Variants in ABR observed in about 807,000 individuals in gnomAD.
ABR encodes ABR activator of RhoGEF and GTPase.
Under a neutral mutation model 107.2 loss-of-function variants are expected in ABR, and 35 were observed. The ratio of observed to expected loss-of-function variants is 0.33; its 90% CI spans 0.25 to 0.43. ABR has a LOEUF of 0.43. Among genes scored for constraint, ABR ranks in the 20% least tolerant of loss-of-function variants. ABR has a pLI of 1.00. For missense variants in ABR, 815 were observed against 1,115.2 expected, an observed-to-expected ratio of 0.73 and a Z score of 3.83; for synonymous variants, 498 against 462.0, an observed-to-expected ratio of 1.08 and a Z score of -1.00.
intron 1 of ABR, among the ~76,000 whole-genome samples, chr17:1,131,214 A>G (rs1224346891): frequency 2.6e-5 from 3 of 115,820 alleles, no homozygotes; most frequent in Non-Finnish European, 3.5e-5. Context: ...TGCCACGCAC[A>G]CAGCTCCCCC....
chr17:1,149,118 T>C (rs1251483012), intron 1 of ABR, among the ~76,000 whole-genome samples: 1 of 152,092 alleles, frequency 6.6e-6, no homozygotes, highest in East Asian at 1.9e-4. Flanking sequence ...TTAGCCGGGA[T>C]GGTCTCGATC....
At chr17:1,098,217 T>G (rs917212799) in intron 3 of ABR, among the ~76,000 whole-genome samples, 5 of 151,774 alleles carry the variant, frequency 3.3e-5, no homozygotes, top group African/African-American at 1.2e-4. Flanking sequence ...GGACTACAGG[T>G]GCTCGCCACC....
At chr17:1,158,385 C>T (rs1005942972) in intron 1 of ABR, among the ~76,000 whole-genome samples, 7 of 151,814 alleles carry the variant, frequency 4.6e-5, no homozygotes, top group Non-Finnish European at 7.4e-5. Flanking sequence ...CGTGAACCAC[C>T]GCGCCCAGCC....
chr17:1,108,832 A>T, intron 2 of ABR: 1 of 1,304,202 alleles, frequency 7.7e-7, no homozygotes, highest in Non-Finnish European at 1.0e-6. Context: ...GAGGGCTTCC[A>T]CCCGGCCGCG....
chr17:1,158,264 T>A (rs1598006593), intron 1 of ABR, among the ~76,000 whole-genome samples: 1 of 151,956 alleles, frequency 6.6e-6, no homozygotes, highest in East Asian at 2.0e-4. Context: ...TGTATTTATT[T>A]ATTTTTTTTA....
At chr17:1,192,917 G>A (rs902058402) in intron 1 of ABR, among the ~76,000 whole-genome samples, 5 of 151,906 alleles carry the variant, frequency 3.3e-5, no homozygotes, top group Admixed American at 6.6e-5. Context: ...GTGTGGTGGC[G>A]GGCGCCTGTA....
chr17:1,057,884 A>T, intron 12 of ABR, 86 bp downstream of exon 12: 1 of 1,251,062 alleles, frequency 8.0e-7, no homozygotes, highest in Non-Finnish European at 1.2e-6. Flanking sequence ...CAAAGACGTG[A>T]TACTGGACAT....
At chr17:1,012,913 G>C (rs1278216355) in intron 17 of ABR, 116 bp from the exon 18 acceptor site, 6 of 1,083,426 alleles carry the variant, frequency 5.5e-6, no homozygotes. Context: ...TCACACCCAG[G>C]TCTCCCTCAA....
intron 1 of ABR, among the ~76,000 whole-genome samples, chr17:1,172,855 C>T (rs2041765412): frequency 6.6e-6 from 1 of 152,034 alleles, no homozygotes; most frequent in African/African-American, 2.4e-5. Context: ...TCCCCTATCA[C>T]AGCCCCAGAG....
rs369755696 is a variant in ABR at position 1,050,225 on chromosome 17, G to A, written c.1660-44C>T. The A allele has an allele frequency of 1.3e-6, 2 of 1,585,258 alleles. No homozygotes were observed. Among genetic ancestry groups the A allele is most frequent in the East Asian group, 4.5e-5 (2 of 44,706 alleles). Reference sequence around the variant, plus strand: ...AAGGGCCCTGAACCTCCGAAGCTGGGAGGCCTGGCTTTCCGGCAGGTGCGT... The same window carrying A: ...AAGGGCCCTGAACCTCCGAAGCTGGAAGGCCTGGCTTTCCGGCAGGTGCGT... On this transcript the variant is annotated intron_variant, in intron 15 of 22. Coordinates refer to ENST00000302538, the MANE Select transcript of ABR (RefSeq NM_021962.5). The surrounding 1 kb of genome is among the most constrained non-coding windows in gnomAD (Gnocchi z 4.6).
intron 18 of ABR, chr17:1,012,472 A>G (rs2070687840): frequency 5.7e-6 from 4 of 698,102 alleles, no homozygotes; most frequent in South Asian, 3.0e-5. Context: ...CTCACAAGAG[A>G]CCTTCCAGCG....
At chr17:1,047,527 G>C (rs113250905) in intron 16 of ABR, among the ~76,000 whole-genome samples, 1 of 152,236 alleles carries the variant, frequency 6.6e-6, no homozygotes, top group South Asian at 2.1e-4. Context: ...GGCCAGGGCC[G>C]GGCCTTGGCA....
chr17:1,165,252 C>G (rs7406419), intron 1 of ABR, among the ~76,000 whole-genome samples: 14,058 of 152,260 alleles, frequency 0.092, 1,109 homozygotes, highest in East Asian at 0.36. Context: ...CCCCTCAGTC[C>G]CTGGAGGGGA....
upstream of ABR, among the ~76,000 whole-genome samples, chr17:1,187,714 A>AC (rs1598092511): frequency 1.3e-5 from 2 of 151,030 alleles, no homozygotes; most frequent in African/African-American, 4.9e-5. Context: ...ATATGGTGTA[A>AC]CCCCATCTCT....
rs987695275 is a variant in ABR, at chr17:1,057,925, A to T, written c.1381+45T>A. On this transcript the variant is annotated intron_variant, in intron 12 of 22. Transcript: ENST00000302538. ...GCTTAGAAATACAAAAGGCCCATCA[A>T]TGCCACGGACATCATTGGGGAGCGT... 4 of 1,559,882 alleles carry T rather than the reference A, an allele frequency of 2.6e-6. No homozygotes were observed. In the South Asian group the frequency reaches 4.4e-5, roughly 17 times the overall value.
chr17:1,226,305 T>C (rs2043212644), intron 1 of ABR, among the ~76,000 whole-genome samples: 1 of 152,194 alleles, frequency 6.6e-6, no homozygotes, highest in Non-Finnish European at 1.5e-5. Context: ...TCCACTCTAA[T>C]GCCTCCCTGT....
chr17:1,164,445 G>A (rs1486001531), intron 1 of ABR, among the ~76,000 whole-genome samples: 1 of 145,830 alleles, frequency 6.9e-6, no homozygotes, highest in African/African-American at 2.6e-5. Flanking sequence ...ATGGATGTCG[G>A]AGCATCTAGG....
In ABR at chr17:1,228,450, C is replaced by T. The variant is rs541960620; in HGVS notation, c.838+343G>A. 3.9e-5 allele frequency among the ~76,000 whole-genome samples: 6 copies of T among 152,316 alleles called. No individual in the cohort carries two copies. The East Asian group carries it at 7.8e-4, about 20-fold the overall frequency. ...GGGGTGACAGACAGAAGGGTGACAGCACCCGGTGGCGCCAAGGGATCTGGC... is the reference window on the plus strand; with the variant it reads ...GGGGTGACAGACAGAAGGGTGACAGTACCCGGTGGCGCCAAGGGATCTGGC... On this transcript the variant is annotated intron_variant, in intron 1 of 22. Transcript: ENST00000574139.
At chr17:1,105,733 C>T (rs891217189) in intron 2 of ABR, among the ~76,000 whole-genome samples, 2 of 151,982 alleles carry the variant, frequency 1.3e-5, no homozygotes, top group African/African-American at 2.4e-5. Flanking sequence ...ATTAGCCCAA[C>T]GTGGTGGCAT....
Sources: gnomAD v4.1 joint callset for allele counts (sites outside exome capture counted in the v4.1 genomes callset) on GRCh38, gnomAD v4.1.1 for gene constraint, Gnocchi (gnomAD v3.1) non-coding constraint, MANE v1.5 for transcripts, NCBI Gene and HGNC (gene_info 2026-07-23, HGNC 2026-07-21) for gene names.